Variants in GRM8 observed in about 807,000 individuals in gnomAD.
The protein encoded by GRM8 is metabotropic glutamate receptor 8.
In GRM8, 47 loss-of-function variants were observed where a neutral mutation model predicts 87.2. The observed-to-expected ratio is 0.54, with a 90% confidence interval of 0.43 to 0.69. GRM8 has a LOEUF of 0.69. GRM8 is among the 30% of genes least tolerant of loss of function. The pLI is 0.00. For synonymous variants in GRM8, 396 were observed against 404.5 expected, an observed-to-expected ratio of 0.98 and a Z score of 0.25; for missense variants, 1,019 against 1,139.2, an observed-to-expected ratio of 0.89 and a Z score of 1.52.
chr7:126,669,923 G>A (rs1296569001), intron 7 of GRM8, among the ~76,000 whole-genome samples: 1 of 152,076 alleles, frequency 6.6e-6, no homozygotes, highest in East Asian at 1.9e-4. Context: ...GAAGAACTGG[G>A]GAAATTAATC....
chr7:127,049,156 C>T (rs954355996), intron 3 of GRM8, among the ~76,000 whole-genome samples: 3 of 152,120 alleles, frequency 2.0e-5, no homozygotes, highest in Non-Finnish European at 4.4e-5. Flanking sequence ...TCATCTTGCA[C>T]ACTGTAAATA....
At chr7:127,216,974 T>C (rs966181583) in intron 2 of GRM8, among the ~76,000 whole-genome samples, 3 of 152,228 alleles carry the variant, frequency 2.0e-5, no homozygotes, top group Non-Finnish European at 4.4e-5. Flanking sequence ...TCACCCTTTT[T>C]AAATTTTCTT....
chr7:127,105,676 A>T (rs916382692), intron 3 of GRM8, among the ~76,000 whole-genome samples: 2 of 152,216 alleles, frequency 1.3e-5, no homozygotes, highest in Non-Finnish European at 2.9e-5. Flanking sequence ...ACAAAATATT[A>T]CTCTTATAGA....
chr7:126,670,588 T>C (rs1045039062), intron 7 of GRM8, among the ~76,000 whole-genome samples: 2 of 152,216 alleles, frequency 1.3e-5, no homozygotes, highest in African/African-American at 4.8e-5. Flanking sequence ...AGATGGTTTA[T>C]AATAAGCTAT....
chr7:126,588,540 G>A (rs188422130), intron 8 of GRM8, among the ~76,000 whole-genome samples: 34 of 152,248 alleles, frequency 2.2e-4, no homozygotes, highest in Admixed American at 2.2e-3. Context: ...AAGCAAAGAC[G>A]TGACATCAAC....
chr7:126,887,424 G>A (rs1209404006), intron 6 of GRM8, among the ~76,000 whole-genome samples: 4 of 152,084 alleles, frequency 2.6e-5, no homozygotes, highest in African/African-American at 9.7e-5. Context: ...GAGTTCCTGT[G>A]TGCTTAGGAA....
chr7:127,193,240 G>A (rs894232970), intron 2 of GRM8, among the ~76,000 whole-genome samples: 14 of 151,846 alleles, frequency 9.2e-5, no homozygotes, highest in Non-Finnish European at 1.3e-4. Flanking sequence ...TTTTCTTCTC[G>A]ACAAAAGAAC....
At chr7:126,719,231 AAT>A (rs1435494792) in intron 7 of GRM8, among the ~76,000 whole-genome samples, 2 of 127,374 alleles carry the variant, frequency 1.6e-5, no homozygotes, top group Non-Finnish European at 3.3e-5. Flanking sequence ...TATTTTGCAT[AAT>A]TTTTGGCACA....
intron 2 of GRM8, among the ~76,000 whole-genome samples, chr7:127,239,254 T>C (rs946218027): frequency 6.6e-6 from 1 of 152,210 alleles, no homozygotes; most frequent in Non-Finnish European, 1.5e-5. Flanking sequence ...ATATTTTCCA[T>C]AAAATTTTAA....
rs935506488 is a variant in GRM8 at position 126,955,925 on chromosome 7, C to T, written c.728-51242G>A. Among the ~76,000 whole-genome samples the T allele has an allele frequency of 3.1e-4, 47 of 152,140 alleles. 2 individuals are homozygous for T. Among genetic ancestry groups the T allele is most frequent in the African/African-American group, 1.1e-3 (45 of 41,528 alleles). ...TCCTAGTGATTATAGGACTTCTTTT[C>T]TAGAGATGATATTCCCATTTTAAAT... On this transcript the variant is annotated intron_variant, in intron 3 of 10. Coordinates refer to ENST00000339582, the MANE Select transcript of GRM8 (RefSeq NM_000845.3).
At chr7:127,036,491 T>C (rs1817857069) in intron 3 of GRM8, among the ~76,000 whole-genome samples, 1 of 152,224 alleles carries the variant, frequency 6.6e-6, no homozygotes, top group Admixed American at 6.5e-5. Context: ...TTTGATGGCC[T>C]GCCTGGAGCA....
chr7:127,011,712 C>T (rs555765324), intron 3 of GRM8, among the ~76,000 whole-genome samples: 1 of 152,292 alleles, frequency 6.6e-6, no homozygotes, highest in South Asian at 2.1e-4. Context: ...TATGTACTCA[C>T]ATATCACTAT....
chr7:126,644,088 G>A (rs541338508), intron 7 of GRM8, among the ~76,000 whole-genome samples: 14 of 152,312 alleles, frequency 9.2e-5, no homozygotes, highest in East Asian at 7.7e-4. Flanking sequence ...AGTCGATGGT[G>A]AATCTTACAT....
At chr7:127,176,476 G>T (rs1794115689) in intron 2 of GRM8, among the ~76,000 whole-genome samples, 1 of 152,166 alleles carries the variant, frequency 6.6e-6, no homozygotes, top group Admixed American at 6.5e-5. Context: ...CATCATGGCA[G>T]ACAGGAGGCA....
intron 9 of GRM8, among the ~76,000 whole-genome samples, chr7:126,478,404 C>T (rs530006209): frequency 1.5e-4 from 23 of 152,056 alleles, no homozygotes; most frequent in African/African-American, 2.9e-4. Context: ...ACATTACTGG[C>T]GTGAGATAAG....
intron 2 of GRM8, among the ~76,000 whole-genome samples, chr7:127,166,049 C>A (rs1793433131): frequency 6.6e-6 from 1 of 152,100 alleles, no homozygotes; most frequent in African/African-American, 2.4e-5. Context: ...AAATAGGATG[C>A]TTTTTCGCAA....
At chr7:126,630,093 C>T (rs1308375668) in intron 7 of GRM8, among the ~76,000 whole-genome samples, 1 of 150,560 alleles carries the variant, frequency 6.6e-6, no homozygotes, top group Admixed American at 6.6e-5. Context: ...AAATTCTTAA[C>T]AAAAGCCTTA....
chr7:126,606,333 A>C (rs748221411), intron 8 of GRM8, among the ~76,000 whole-genome samples: 1 of 152,186 alleles, frequency 6.6e-6, no homozygotes, highest in African/African-American at 2.4e-5. Flanking sequence ...TGAATTAATC[A>C]TAAGTAACAT....
Position 126,620,281 on chromosome 7 carries a change from G to C in GRM8, c.1358-10783C>G, listed in dbSNP as rs563891578. Among the ~76,000 whole-genome samples, 5 of 152,276 alleles carry C rather than the reference G, an allele frequency of 3.3e-5. No homozygotes were observed. In the South Asian group the frequency reaches 8.3e-4, roughly 25 times the overall value. ...CCAACTCCAGGTGACAGAGCAAGAT[G>C]CTGTCTTAAAACAAACTTTTCCATC... On this transcript the variant is annotated intron_variant, in intron 7 of 10. Transcript: ENST00000339582.
Sources: gnomAD v4.1 joint callset for allele counts (sites outside exome capture counted in the v4.1 genomes callset) on GRCh38, gnomAD v4.1.1 for gene constraint, MANE v1.5 for transcripts, NCBI Gene and HGNC (gene_info 2026-07-23, HGNC 2026-07-21) for gene names.